Variants in ZNF292 observed in about 807,000 individuals in gnomAD.
The protein encoded by ZNF292 is 16 zinc-finger domain protein.
A neutral mutation model predicts 217.9 loss-of-function variants in ZNF292; 26 were observed. The observed-to-expected ratio is 0.12, with a 90% CI of 0.09 to 0.17. The LOEUF (loss-of-function observed/expected upper bound fraction) is 0.17, where lower values mean the gene tolerates loss of function less well. ZNF292 is among the 10% of genes least tolerant of loss of function. The pLI is 1.00. For missense variants in ZNF292, 2,904 were observed against 3,175.2 expected (o/e 0.91, Z 2.05); for synonymous variants, 1,257 against 1,124.1 (o/e 1.12, Z -2.37).
chr6:87,257,376 A>G lies in ZNF292; in HGVS notation c.3747A>G (p.Thr1249=). The change falls in exon 8 of 8, where the codon ACA becomes ACG. Residue 1249 remains threonine (T), a synonymous_variant. Coordinates refer to ENST00000369577, the MANE Select transcript of ZNF292 (RefSeq NM_015021.3). ...LPAQMEDLTK[T]VLPLNIDSGS... Reference sequence around the variant, plus strand: ...CACAAATGGAAGATCTAACCAAAACAGTTCTGCCTTTGAATATTGACAGTG... The same window carrying G: ...CACAAATGGAAGATCTAACCAAAACGGTTCTGCCTTTGAATATTGACAGTG... 1 of 1,613,722 alleles carries G rather than the reference A, an allele frequency of 6.2e-7. No individual in the cohort carries two copies. Among genetic ancestry groups the G allele is most frequent in the Non-Finnish European group, 8.5e-7 (1 of 1,179,780 alleles).
In ZNF292 at chr6:87,243,540, A is replaced by T. The variant is rs780497466; in HGVS notation, c.807A>T (p.Glu269Asp). ...MICNLESEGD[E>D]KSALVLCTAF... ...GTAACTTAGAATCTGAGGGTGATGA[A>T]AAAAGCGCTCTTGTTTTATGTACTG... Residue 269 changes from glutamate to aspartate, a missense_variant, in exon 6 of 8, where the codon GAA becomes GAT. By Grantham distance (45) the Glu-to-Asp change is conservative (BLOSUM62 2). This residue lies in a region of ZNF292 where 313 missense variants were observed against 451.0 expected (regional missense o/e 0.69). Coordinates refer to ENST00000369577, the MANE Select transcript of ZNF292 (RefSeq NM_015021.3). 6.4e-7 allele frequency: 1 copy of T among 1,559,594 alleles called. No individual in the cohort carries two copies. Among genetic ancestry groups the T allele is most frequent in the South Asian group, 1.2e-5 (1 of 84,456 alleles).
At chr6:87,209,872 A>G (rs942272350) in intron 1 of ZNF292, among the ~76,000 whole-genome samples, 6 of 152,202 alleles carry the variant, frequency 3.9e-5, no homozygotes, top group Admixed American at 1.3e-4. Flanking sequence ...TTTTTAAGAG[A>G]GTAAAGAGTC....
chr6:87,179,175 T>G (rs1227475455), intron 1 of ZNF292, among the ~76,000 whole-genome samples: 12 of 147,398 alleles, frequency 8.1e-5, no homozygotes, highest in East Asian at 2.0e-4. Flanking sequence ...TTTTTTTTTT[T>G]GGGAGATGGA....
In ZNF292 at chr6:87,202,744, C is replaced by T. The variant is rs1428858419; in HGVS notation, c.169-13159C>T. 2.6e-5 allele frequency among the ~76,000 whole-genome samples: 4 copies of T among 152,078 alleles called. 1 individual carries two copies. The highest frequency in any genetic ancestry group is 5.9e-5 in the Non-Finnish European group (4 of 68,018). ...TTTGATTACAATATTTCCCCTTCCC[C>T]CCGCCCCATCCATGATTTTGTTTTC... On this transcript the variant is annotated intron_variant, in intron 1 of 7. Coordinates refer to ENST00000369577, the MANE Select transcript of ZNF292 (RefSeq NM_015021.3).
chr6:87,243,547 G>T lies in ZNF292; in HGVS notation c.814G>T (p.Ala272Ser). Residue 272 changes from alanine to serine, a missense_variant, in exon 6 of 8, where the codon GCT becomes TCT. Around this residue, in one of 15 missense-constraint regions of ZNF292, gnomAD observed 313 missense variants for 451.0 expected, o/e 0.69. Coordinates refer to ENST00000369577, the MANE Select transcript of ZNF292 (RefSeq NM_015021.3). Reference protein sequence around the residue: ...NLESEGDEKSALVLCTAFLSR... With the variant: ...NLESEGDEKSSLVLCTAFLSR... ...AGAATCTGAGGGTGATGAAAAAAGC[G>T]CTCTTGTTTTATGTACTGCGTTTTT... 1 of 1,559,932 alleles carries T rather than the reference G, an allele frequency of 6.4e-7. No individual in the cohort carries two copies. Among genetic ancestry groups the T allele is most frequent in the Non-Finnish European group, 8.7e-7 (1 of 1,150,852 alleles).
rs375361849 is a variant in ZNF292 at position 87,259,432 on chromosome 6, C to G, written c.5803C>G (p.Leu1935Val). The change falls in exon 8 of 8, where the codon CTT becomes GTT. Residue 1935 changes from leucine to valine, a missense_variant. By Grantham distance (32) the Leu-to-Val change is conservative. Coordinates refer to ENST00000369577, the MANE Select transcript of ZNF292 (RefSeq NM_015021.3). Reference protein sequence around the residue: ...KIHQYTPEMILEIKKNQLKFA... With the variant: ...KIHQYTPEMIVEIKKNQLKFA... ...TCATCAATACACTCCAGAAATGATT[C>G]TTGAAATTAAGAAGAATCAATTGAA... The G allele has an allele frequency of 1.3e-5, 20 of 1,595,914 alleles. No homozygotes were observed. Among genetic ancestry groups the G allele is most frequent in the Non-Finnish European group, 1.5e-5 (17 of 1,170,122 alleles).
At chr6:87,186,870 A>G (rs1167623444) in intron 1 of ZNF292, among the ~76,000 whole-genome samples, 1 of 152,232 alleles carries the variant, frequency 6.6e-6, no homozygotes, top group Admixed American at 6.5e-5. Flanking sequence ...CCTGTATTCC[A>G]GAACTTAAAG....
rs185772161 is a variant in ZNF292 at position 87,247,282 on chromosome 6, T to C, written c.1020+1638T>C. Among the ~76,000 whole-genome samples, 661 of 85,096 alleles carry C rather than the reference T, an allele frequency of 7.8e-3. 4 individuals are homozygous for C. Among genetic ancestry groups the C allele is most frequent in the African/African-American group, 0.044 (634 of 14,528 alleles). 55.8% of individuals were successfully genotyped at this position (85,096 alleles called of 152,430 possible). The stretch of plus-strand genomic sequence containing the variant: ...CCCTGCCACCCGCAACACACACACA[T>C]GCGCACGCACGTGCATGCATGCATG... On this transcript the variant is annotated intron_variant, in intron 7 of 7. Transcript: ENST00000369577.
At chr6:87,245,932 T>C (rs1774555635) in intron 7 of ZNF292, among the ~76,000 whole-genome samples, 2 of 152,214 alleles carry the variant, frequency 1.3e-5, no homozygotes, top group Admixed American at 1.3e-4. Flanking sequence ...ATAATTTGGC[T>C]ATAGAAATTT....
Position 87,248,989 on chromosome 6 carries a change from G to A in ZNF292, c.1020+3345G>A, listed in dbSNP as rs560588099. Among the ~76,000 whole-genome samples the A allele has an allele frequency of 2.0e-5, 3 of 152,294 alleles. No individual in the cohort carries two copies. In the South Asian group the frequency reaches 6.2e-4, roughly 32 times the overall value. ...GACAGCACAGATATAGAACATTCCT[G>A]TTATCACTAATAGTTCTGTTGGGTA... On this transcript the variant is annotated intron_variant, in intron 7 of 7. Transcript: ENST00000369577.
At chr6:87,229,129 T>G (rs1157537005) in intron 4 of ZNF292, among the ~76,000 whole-genome samples, 2 of 152,218 alleles carry the variant, frequency 1.3e-5, no homozygotes, top group Non-Finnish European at 1.5e-5. Flanking sequence ...GTCTTTCGCC[T>G]CCTCCTTGGT....
chr6:87,158,685 A>G (rs143197669), intron 1 of ZNF292, among the ~76,000 whole-genome samples: 17 of 152,326 alleles, frequency 1.1e-4, no homozygotes, highest in African/African-American at 4.1e-4. Flanking sequence ...TCAAAAAAAT[A>G]AAAAATAAAA....
intron 7 of ZNF292, among the ~76,000 whole-genome samples, chr6:87,246,636 G>A (rs974670481): frequency 2.0e-5 from 3 of 152,232 alleles, no homozygotes; most frequent in African/African-American, 7.2e-5. Context: ...AGGCCAAGGT[G>A]GGCGGATGAC....
chr6:87,237,302 G>T (rs564982406), intron 5 of ZNF292, among the ~76,000 whole-genome samples: 1 of 152,146 alleles, frequency 6.6e-6, no homozygotes, highest in Non-Finnish European at 1.5e-5. Context: ...CTGGAGTGCA[G>T]TGGTGTGATC....
intron 1 of ZNF292, among the ~76,000 whole-genome samples, chr6:87,165,136 TCTCTAC>T (rs1770873598): frequency 6.6e-6 from 1 of 152,172 alleles, no homozygotes; most frequent in Admixed American, 6.5e-5. Flanking sequence ...TGTTACATTA[TCTCTAC>T]CTTGTATAGT....
chr6:87,168,921 C>T (rs1771001941), intron 1 of ZNF292, among the ~76,000 whole-genome samples: 1 of 152,338 alleles, frequency 6.6e-6, no homozygotes, highest in Non-Finnish European at 1.5e-5. Flanking sequence ...ATAGTATTTG[C>T]ATATAACCTA....
At chr6:87,178,533 C>G (rs1194250471) in intron 1 of ZNF292, among the ~76,000 whole-genome samples, 1 of 152,150 alleles carries the variant, frequency 6.6e-6, no homozygotes, top group Non-Finnish European at 1.5e-5. Flanking sequence ...TATTAGCTTA[C>G]ATTTATTAAA....
intron 7 of ZNF292, among the ~76,000 whole-genome samples, chr6:87,250,739 C>T (rs1259362443): frequency 6.6e-6 from 1 of 152,156 alleles, no homozygotes; most frequent in African/African-American, 2.4e-5. Flanking sequence ...TGTCTTAAAT[C>T]CTAATTGAGA....
chr6:87,199,379 T>C (rs1312483897), intron 1 of ZNF292, among the ~76,000 whole-genome samples: 1 of 152,368 alleles, frequency 6.6e-6, no homozygotes, highest in African/African-American at 2.4e-5. Context: ...TTATGTATTC[T>C]GGATATGAGC....
Sources: gnomAD v4.1 joint callset for allele counts (sites outside exome capture counted in the v4.1 genomes callset) on GRCh38, gnomAD v4.1.1 for gene constraint, gnomAD v4.1.1 regional missense constraint, MANE v1.5 for transcripts, NCBI Gene and HGNC (gene_info 2026-07-23, HGNC 2026-07-21) for gene names.